The following POC1B variants were observed in gnomAD, a reference collection of about 807,000 sequenced individuals.
The protein encoded by POC1B is POC1 centriolar protein B.
In POC1B, 44 loss-of-function variants were observed where a neutral mutation model predicts 60.6. The observed-to-expected ratio is 0.73, with a 90% CI of 0.57 to 0.93. POC1B has a LOEUF of 0.93. Among genes scored for constraint, POC1B ranks in the 40% least tolerant of loss-of-function variants. The pLI is 0.00. For missense variants in POC1B, 555 were observed against 572.3 expected (o/e 0.97, Z 0.31); for synonymous variants, 180 against 198.9 (o/e 0.90, Z 0.80).
intron 4 of POC1B, among the ~76,000 whole-genome samples, chr12:89,481,497 G>T (rs1445026368): frequency 6.6e-6 from 1 of 152,162 alleles, no homozygotes; most frequent in African/African-American, 2.4e-5. Flanking sequence ...TGGAAGTAGA[G>T]CCCAAGGAGA....
chr12:89,494,703 A>T (rs1380205941), intron 3 of POC1B, among the ~76,000 whole-genome samples: 1 of 152,214 alleles, frequency 6.6e-6, no homozygotes, highest in African/African-American at 2.4e-5. Flanking sequence ...TTGGTCTAGC[A>T]GCTTCTGCTT....
At chr12:89,511,509 T>G (rs921452629) in intron 2 of POC1B, among the ~76,000 whole-genome samples, 1 of 152,220 alleles carries the variant, frequency 6.6e-6, no homozygotes, top group Admixed American at 6.5e-5. Flanking sequence ...CTCTGTATTT[T>G]CTACCTCCAT....
intron 2 of POC1B, among the ~76,000 whole-genome samples, chr12:89,512,662 A>T (rs966713772): frequency 6.6e-6 from 1 of 152,154 alleles, no homozygotes; most frequent in Non-Finnish European, 1.5e-5. Context: ...AGGCTGAGGG[A>T]GGCGGGCGGC....
chr12:89,519,219 G>A (rs1303964745), intron 2 of POC1B, among the ~76,000 whole-genome samples: 3 of 152,092 alleles, frequency 2.0e-5, no homozygotes, highest in African/African-American at 7.2e-5. Context: ...ATAAAATAAT[G>A]GTACTAACAC....
intron 4 of POC1B, among the ~76,000 whole-genome samples, chr12:89,488,653 A>AT (rs1286673916): frequency 9.9e-5 from 15 of 151,910 alleles, no homozygotes; most frequent in African/African-American, 2.9e-4. Context: ...CGCCCAGCTA[A>AT]TTTTTGTATT....
At chr12:89,512,745 A>G (rs564455703) in intron 2 of POC1B, among the ~76,000 whole-genome samples, 66 of 152,332 alleles carry the variant, frequency 4.3e-4, no homozygotes, top group Non-Finnish European at 8.2e-4. Context: ...AGGCGCCTTT[A>G]TAAGTATTAC....
chr12:89,459,668 A>T lies in POC1B; in HGVS notation c.1083T>A (p.Val361=), dbSNP rs375679848. The change falls in exon 10 of 12, where the codon GTT becomes GTA. Residue 361 remains valine, a synonymous_variant. Coordinates refer to ENST00000313546, the MANE Select transcript of POC1B (RefSeq NM_172240.3). The stretch of plus-strand genomic sequence containing the variant: ...TAGAATCAAAAGAAAGGATATCCAT[A>T]ACAGGGGGAGTAGAGATCTGCAAAT... ...VIDLQISTPP[V]MDILSFDSTT... 97 of 1,536,838 alleles carry T rather than the reference A, an allele frequency of 6.3e-5. No homozygotes were observed. The highest frequency in any genetic ancestry group is 8.1e-5 in the Non-Finnish European group (93 of 1,141,348).
At chr12:89,524,634 GTACT>G (rs1871255670) in intron 2 of POC1B, 9 of 1,407,338 alleles carry the variant, frequency 6.4e-6, no homozygotes, top group Non-Finnish European at 6.9e-6. Context: ...TCGAGCTCAG[GTACT>G]TCCCAGCAGG....
intron 4 of POC1B, among the ~76,000 whole-genome samples, chr12:89,477,806 C>T (rs1883178236): frequency 6.6e-6 from 1 of 152,168 alleles, no homozygotes; most frequent in African/African-American, 2.4e-5. Flanking sequence ...GTGTGACATG[C>T]TCATAGCTCT....
At chr12:89,469,919 G>C (rs914474842) in intron 7 of POC1B, among the ~76,000 whole-genome samples, 1 of 151,008 alleles carries the variant, frequency 6.6e-6, no homozygotes, top group Non-Finnish European at 1.5e-5. Flanking sequence ...CCGGGCTGGA[G>C]TGCAGTGGTG....
chr12:89,480,198 A>T (rs10858873), intron 4 of POC1B, among the ~76,000 whole-genome samples: 81,034 of 151,214 alleles, frequency 0.54, 22,270 homozygotes, highest in African/African-American at 0.65. Context: ...GTGCAGTGGC[A>T]CCGTCTCAAC....
intron 2 of POC1B, among the ~76,000 whole-genome samples, chr12:89,512,989 T>C (rs1051501949): frequency 2.0e-5 from 3 of 152,188 alleles, no homozygotes; most frequent in Non-Finnish European, 2.9e-5. Flanking sequence ...GTTACTGGGA[T>C]CCTTGTAAAA....
At chr12:89,452,159 C>G (rs1025733594) in intron 10 of POC1B, among the ~76,000 whole-genome samples, 1 of 152,154 alleles carries the variant, frequency 6.6e-6, no homozygotes, top group African/African-American at 2.4e-5. Flanking sequence ...GCATTTTCAG[C>G]ATGCCTCGGT....
At chr12:89,496,268 G>A (rs547184598) in intron 3 of POC1B, among the ~76,000 whole-genome samples, 8 of 152,238 alleles carry the variant, frequency 5.3e-5, no homozygotes, top group Admixed American at 1.3e-4. Flanking sequence ...ATCTAATGCC[G>A]CCGCTGATCC....
chr12:89,448,679 T>G (rs116173265), intron 10 of POC1B, among the ~76,000 whole-genome samples: 2,755 of 152,344 alleles, frequency 0.018, 97 homozygotes, highest in African/African-American at 0.063. Context: ...GGAAGCTATA[T>G]CCACACAATT....
chr12:89,524,426 T>C lies in POC1B; in HGVS notation c.100+694A>G, dbSNP rs779806435. The stretch of plus-strand genomic sequence containing the variant: ...GAGAGCCTTCTTGACCCCAGCTCCC[T>C]GGCACGGCCGGCTCCTGCGGAGGCA... On this transcript the variant is annotated intron_variant, in intron 2 of 11. Transcript: ENST00000313546. 3.7e-6 allele frequency: 6 copies of C among 1,613,972 alleles called. No individual in the cohort carries two copies. In the East Asian group the frequency reaches 1.1e-4, roughly 30 times the overall value.
At chr12:89,497,048 A>G in intron 3 of POC1B, 123 bp downstream of exon 3, 1 of 965,566 alleles carries the variant, frequency 1.0e-6, no homozygotes, top group Non-Finnish European at 1.5e-6. Flanking sequence ...CCACAAGGGC[A>G]GCATGCCTTT....
chr12:89,471,552 G>T, intron 6 of POC1B, 62 bp downstream of exon 6: 3 of 1,309,264 alleles, frequency 2.3e-6, no homozygotes, highest in Non-Finnish European at 2.2e-6. Flanking sequence ...CCAACAAGGA[G>T]AATCAGTCCT....
the POC1B span, among the ~76,000 whole-genome samples, chr12:89,403,277 G>A: frequency 6.6e-6 from 1 of 152,198 alleles, no homozygotes; most frequent in Non-Finnish European, 1.5e-5. Flanking sequence ...AAAGTGATGG[G>A]ATTATAGGCG....
Sources: gnomAD v4.1 joint callset for allele counts (sites outside exome capture counted in the v4.1 genomes callset) on GRCh38, gnomAD v4.1.1 for gene constraint, MANE v1.5 for transcripts, NCBI Gene and HGNC (gene_info 2026-07-23, HGNC 2026-07-21) for gene names.